TLN2: variants seen among roughly 807,000 people sequenced by gnomAD.
TLN2 encodes talin 2, also known as talin-2.
Under a neutral mutation model 294.7 loss-of-function variants are expected in TLN2, and 118 were observed. That is an observed-to-expected ratio of 0.40 (90% confidence interval 0.34 to 0.47). TLN2 has a LOEUF of 0.47. TLN2 is among the 20% of genes least tolerant of loss of function. TLN2 has a pLI of 0.84. For synonymous variants in TLN2, 1,431 were observed against 1,304.5 expected (o/e 1.10, Z -2.09); for missense variants, 3,083 against 3,282.2 (o/e 0.94, Z 1.48).
intron 1 of TLN2, among the ~76,000 whole-genome samples, chr15:62,539,453 A>G (rs1436214017): frequency 6.6e-6 from 1 of 152,062 alleles, no homozygotes; most frequent in Non-Finnish European, 1.5e-5. Context: ...GTGATAGTGC[A>G]CCTTCACTGG....
At position 62,833,611 on chromosome 15, in the gene TLN2, G is replaced by C; in HGVS notation, c.7110G>C (p.Glu2370Asp). ...AATCGGCCTCAGCAGCCCAGAGGGA[G>C]CTGGTGGCCCAAGGAAAGGTGGGTA... Reference protein sequence around the residue: ...LVKSASAAQRELVAQGKVGSI... With the variant: ...LVKSASAAQRDLVAQGKVGSI... The change falls in exon 55 of 59, where the codon GAG becomes GAC. Residue 2370 changes from glutamate (E) to aspartate (D), a missense_variant. By Grantham distance (45) the Glu-to-Asp change is conservative (BLOSUM62 2). Transcript: ENST00000636159. 1 of 1,614,066 alleles carries C rather than the reference G, an allele frequency of 6.2e-7. No homozygotes were observed.
intron 2 of TLN2, among the ~76,000 whole-genome samples, chr15:62,611,864 T>G (rs1305908759): frequency 6.6e-6 from 1 of 152,196 alleles, no homozygotes; most frequent in Non-Finnish European, 1.5e-5. Context: ...ATAAGAATAA[T>G]GGCTATCTCA....
rs145644152 is a variant in TLN2 at position 62,620,705 on chromosome 15, C to T, written c.-37+2230C>T. On this transcript the variant is annotated intron_variant, in intron 3 of 58. Coordinates refer to ENST00000636159, the MANE Select transcript of TLN2 (RefSeq NM_015059.3). ...CTATGTTGCCCAGGTTGGTCTCAAA[C>T]TCGTGGGCTCAAGCGATCCTCCCAC... Among the ~76,000 whole-genome samples the T allele has an allele frequency of 7.9e-5, 12 of 151,938 alleles. No individual in the cohort carries two copies. In the East Asian group the frequency reaches 2.3e-3, roughly 29 times the overall value.
intron 37 of TLN2, among the ~76,000 whole-genome samples, chr15:62,759,858 AG>A (rs1652365662): frequency 6.6e-6 from 1 of 152,186 alleles, no homozygotes; most frequent in South Asian, 2.1e-4. Context: ...CATCTGTGTC[AG>A]GCTCCTGCTG....
rs142470602 is a variant in TLN2, at chr15:62,469,372, A to G, written c.-238+78687A>G. 7.5e-4 allele frequency among the ~76,000 whole-genome samples: 115 copies of G among 152,362 alleles called. 1 individual carries two copies. Among genetic ancestry groups the G allele is most frequent in the Admixed American group, 2.1e-3 (32 of 15,304 alleles). ...TGTGAGTTGATCTGTCTCAAAAGAA[A>G]TACATGGCTTTTGTGTGGATTTATA... On this transcript the variant is annotated intron_variant, in intron 1 of 58. Coordinates refer to ENST00000636159, the MANE Select transcript of TLN2 (RefSeq NM_015059.3).
chr15:62,567,887 C>G (rs1040110351), intron 1 of TLN2, among the ~76,000 whole-genome samples: 1 of 151,970 alleles, frequency 6.6e-6, no homozygotes, highest in Non-Finnish European at 1.5e-5. Context: ...AATGTGTAGG[C>G]TTGTGGCACA....
At chr15:62,568,474 T>C (rs1312310429) in intron 1 of TLN2, among the ~76,000 whole-genome samples, 1 of 151,914 alleles carries the variant, frequency 6.6e-6, no homozygotes, top group Non-Finnish European at 1.5e-5. Context: ...AGGTAGGGAG[T>C]GATGAACTCA....
chr15:62,565,910 CTGTG>C (rs71718001), intron 1 of TLN2, among the ~76,000 whole-genome samples: 9,759 of 148,400 alleles, frequency 0.066, 328 homozygotes, highest in Middle Eastern at 0.086. Flanking sequence ...TGTTTACTAG[CTGTG>C]TGTGTGTGTG....
intron 1 of TLN2, among the ~76,000 whole-genome samples, chr15:62,585,107 A>T (rs960129271): frequency 1.9e-4 from 29 of 152,176 alleles, no homozygotes; most frequent in Admixed American, 1.8e-3. Context: ...GCTGCATGGG[A>T]TCTAAAGCAC....
In TLN2 at chr15:62,702,638, C is replaced by A. The variant is rs1159239757; in HGVS notation, c.1906-128C>A. On this transcript the variant is annotated intron_variant, in intron 18 of 58. Coordinates refer to ENST00000636159, the MANE Select transcript of TLN2 (RefSeq NM_015059.3). ...CCGGGATGTCTTCTATCTGGCAGAC[C>A]ACCTGAGATTCTCACTGTCAGACAA... The A allele has an allele frequency of 3.5e-6, 3 of 846,770 alleles. No individual in the cohort carries two copies. In the African/African-American group the frequency reaches 5.0e-5, roughly 14 times the overall value. The allele number at this position is 846,770 out of a possible 1,614,324, so 52.5% of individuals were successfully genotyped here.
At chr15:62,469,244 C>T (rs146975917) in intron 1 of TLN2, among the ~76,000 whole-genome samples, 1 of 152,326 alleles carries the variant, frequency 6.6e-6, no homozygotes, top group African/African-American at 2.4e-5. Flanking sequence ...GTGTTAAGAA[C>T]ATTGCCATTT....
rs573250620 is a variant in TLN2, at chr15:62,535,788, C to G, written c.-237-53899C>G. Among the ~76,000 whole-genome samples, 3 of 152,220 alleles carry G rather than the reference C, an allele frequency of 2.0e-5. No homozygotes were observed. The East Asian group carries it at 5.8e-4, about 29-fold the overall frequency. On this transcript the variant is annotated intron_variant, in intron 1 of 58. Transcript: ENST00000636159. Reference sequence around the variant, plus strand: ...CAGGCTGGTCTCGAACTCCTGACCTCATGATCTGCCCGCCTCAGCCTCCCA... The same window carrying G: ...CAGGCTGGTCTCGAACTCCTGACCTGATGATCTGCCCGCCTCAGCCTCCCA...
At chr15:62,722,279 C>A (rs1055348661) in intron 25 of TLN2, 74 bp from the exon 26 acceptor site, 1 of 1,482,926 alleles carries the variant, frequency 6.7e-7, no homozygotes. Flanking sequence ...CTGTGGAGAC[C>A]TCGCTGCTTA....
chr15:62,683,234 G>A (rs1160631142), intron 11 of TLN2, among the ~76,000 whole-genome samples: 1 of 152,206 alleles, frequency 6.6e-6, no homozygotes, highest in Non-Finnish European at 1.5e-5. Context: ...CCTCCATCCA[G>A]TTCTGGATCT....
Position 62,776,794 on chromosome 15 carries a change from G to T in TLN2, c.5398G>T (p.Ala1800Ser). 6.3e-7 allele frequency: 1 copy of T among 1,592,998 alleles called. No individual in the cohort carries two copies. Among genetic ancestry groups the T allele is most frequent in the Non-Finnish European group, 8.6e-7 (1 of 1,168,664 alleles). The change falls in exon 43 of 59, where the codon GCC becomes TCC. Residue 1800 changes from alanine to serine, a missense_variant. Physicochemically the swap from Ala to Ser is moderately conservative, Grantham distance 99. Transcript: ENST00000636159. ...AQHTHDAITE[A>S]AQLMKEAVDD... ...ACACACCCATGACGCCATCACAGAG[G>T]CCGCCCAGTTGATGAAGGAAGCCGT...
In TLN2 at chr15:62,694,391, A is replaced by C. The variant is rs746083800; in HGVS notation, c.1291A>C (p.Lys431Gln). 6.2e-7 allele frequency: 1 copy of C among 1,613,956 alleles called. No individual in the cohort carries two copies. The highest frequency in any genetic ancestry group is 8.5e-7 in the Non-Finnish European group (1 of 1,179,860). ...TMLEESVSPKKSTILQQQFNR... is the reference protein window; with the variant it reads ...TMLEESVSPKQSTILQQQFNR... ...GTTAGAAGAGTCCGTTTCCCCAAAA[A>C]AGTAAGTATTATGAAGAGTACTAGA... is the stretch of plus-strand genomic sequence containing the variant. Residue 431 changes from lysine (K) to glutamine (Q), a missense_variant and splice_region_variant, in exon 14 of 59, where the codon AAG becomes CAG. Transcript: ENST00000636159.
chr15:62,427,808 C>T (rs950973695), intron 1 of TLN2, among the ~76,000 whole-genome samples: 1 of 152,184 alleles, frequency 6.6e-6, no homozygotes, highest in Admixed American at 6.5e-5. Context: ...CCTCGACTCC[C>T]TATTTGTTTC....
chr15:62,465,915 G>C (rs1473889556), intron 1 of TLN2, among the ~76,000 whole-genome samples: 1 of 152,194 alleles, frequency 6.6e-6, no homozygotes, highest in African/African-American at 2.4e-5. Context: ...TTTAGGATTG[G>C]AAGGAGTTTG....
chr15:62,585,217 C>T (rs1163344737), intron 1 of TLN2, among the ~76,000 whole-genome samples: 1 of 152,178 alleles, frequency 6.6e-6, no homozygotes, highest in Non-Finnish European at 1.5e-5. Flanking sequence ...CGAGGAAAAC[C>T]AGTCTATAAA....
Sources: allele counts gnomAD v4.1 joint callset (sites outside exome capture counted in the v4.1 genomes callset), GRCh38; gene constraint gnomAD v4.1.1; transcripts MANE v1.5; gene names NCBI Gene and HGNC (gene_info 2026-07-23, HGNC 2026-07-21).